The following REXO1 variants were observed in gnomAD, a reference collection of about 807,000 sequenced individuals.
The protein encoded by REXO1 is REX1, RNA exonuclease 1 homolog.
A neutral mutation model predicts 102.6 loss-of-function variants in REXO1; 42 were observed. The observed-to-expected ratio is 0.41, with a 90% CI of 0.32 to 0.53. The LOEUF (loss-of-function observed/expected upper bound fraction) is 0.53. REXO1 is among the 20% of genes least tolerant of loss of function. The pLI is 0.27. For missense variants in REXO1, 1,819 were observed against 1,732.5 expected (o/e 1.05, Z -0.89); for synonymous variants, 908 against 779.1 (o/e 1.17, Z -2.76).
chr19:1,830,285 G>A (rs181811440), intron 1 of REXO1, among the ~76,000 whole-genome samples: 12 of 152,296 alleles, frequency 7.9e-5, no homozygotes, highest in Non-Finnish European at 1.8e-4. Flanking sequence ...GAGGCGGGAG[G>A]ATACTGCTTG....
chr19:1,827,742 G>C lies in REXO1; in HGVS notation c.1047C>G (p.Leu349=), dbSNP rs368634346. 1 of 1,570,244 alleles carries C rather than the reference G, an allele frequency of 6.4e-7. No individual in the cohort carries two copies. The highest frequency in any genetic ancestry group is 8.6e-7 in the Non-Finnish European group (1 of 1,168,614). ...ETAVQCDVGD[L]QPPPAKPASP... is the part of the protein sequence containing the mutation. Reference sequence around the variant, plus strand: ...AGGCGGGCTTGGCTGGGGGCGGCTGGAGGTCCCCCACGTCGCACTGCACGG... The same window carrying C: ...AGGCGGGCTTGGCTGGGGGCGGCTGCAGGTCCCCCACGTCGCACTGCACGG... The change falls in exon 2 of 16, where the codon CTC becomes CTG. Residue 349 remains leucine (L), a synonymous_variant. Transcript: ENST00000170168.
At chr19:1,832,582 G>A (rs2069936035) in intron 1 of REXO1, among the ~76,000 whole-genome samples, 1 of 152,094 alleles carries the variant, frequency 6.6e-6, no homozygotes, top group South Asian at 2.1e-4. Context: ...TACATTTAGG[G>A]ACCAGGCACG....
Position 1,837,602 on chromosome 19 carries a change from C to T in REXO1, c.158-8971G>A, listed in dbSNP as rs2070077244. 2.0e-5 allele frequency among the ~76,000 whole-genome samples: 3 copies of T among 152,334 alleles called. No homozygotes were observed. The East Asian group carries it at 5.8e-4, about 29-fold the overall frequency. On this transcript the variant is annotated intron_variant, in intron 1 of 15. Coordinates refer to ENST00000170168, the MANE Select transcript of REXO1 (RefSeq NM_020695.4). ...CCCAGCTCTGCCCCACCCCCCACAC[C>T]AGACTCCACCCAGGTCTCAGAGCTT...
rs1371949449 is a variant in REXO1, at chr19:1,826,731, T to C, written c.1911+147A>G. 1.2e-5 allele frequency: 17 copies of C among 1,367,446 alleles called. No individual in the cohort carries two copies. Among genetic ancestry groups the C allele is most frequent in the Non-Finnish European group, 1.5e-5 (16 of 1,040,304 alleles). 84.7% of individuals were successfully genotyped at this position (1,367,446 alleles called of 1,614,324 possible). A position where few individuals can be genotyped will look rare whatever the true frequency, so the allele number is the denominator to read the frequency against. On this transcript the variant is annotated intron_variant, in intron 2 of 15. Transcript: ENST00000170168. The surrounding 1 kb of genome is among the most constrained non-coding windows in gnomAD (Gnocchi z 4.3). ...CCCGGGTGCTCCTGAGCTCCTGAGA[T>C]TTCAACGGGCTCAGGGACCAGCACT...
chr19:1,827,940 A>G lies in REXO1; in HGVS notation c.849T>C (p.Asp283=), dbSNP rs1458995800. Residue 283 remains aspartate, a synonymous_variant, in exon 2 of 16, where the codon GAT becomes GAC. Coordinates refer to ENST00000170168, the MANE Select transcript of REXO1 (RefSeq NM_020695.4). Reference sequence around the variant, plus strand: ...CATCTTCTGAGTCTGAGAACCTTGCATCGCAACTGCCAAAGGGGTCACAGA... The same window carrying G: ...CATCTTCTGAGTCTGAGAACCTTGCGTCGCAACTGCCAAAGGGGTCACAGA... ...KKLCDPFGSC[D]ARFSDSEDEA... is the part of the protein sequence containing the mutation. 2 of 1,613,602 alleles carry G rather than the reference A, an allele frequency of 1.2e-6. No individual in the cohort carries two copies. The highest frequency in any genetic ancestry group is 2.2e-5 in the East Asian group (1 of 44,876).
intron 11 of REXO1, 56 bp from the exon 12 acceptor site, chr19:1,817,385 GGCA>G (rs909701959): frequency 1.9e-6 from 3 of 1,598,646 alleles, no homozygotes; most frequent in African/African-American, 2.7e-5. Context: ...GGGCGGGGGT[GGCA>G]GCAGCAGCAC....
Position 1,828,333 on chromosome 19 carries a change from G to A in REXO1, c.456C>T (p.Ser152=). 1 of 1,609,984 alleles carries A rather than the reference G, an allele frequency of 6.2e-7. No individual in the cohort carries two copies. The change falls in exon 2 of 16, where the codon AGC becomes AGT. Residue 152 remains serine, a synonymous_variant. Transcript: ENST00000170168. ...EDAFPLAFDY[S]PGSHGLLSPD... ...GGCTTAATAGGCCGTGGCTGCCGGG[G>A]CTGTAGTCGAAGGCCAGTGGGAAGG... is the stretch of plus-strand genomic sequence containing the variant.
chr19:1,843,789 G>A (rs566998834), intron 1 of REXO1, among the ~76,000 whole-genome samples: 30 of 152,360 alleles, frequency 2.0e-4, no homozygotes, highest in Middle Eastern at 3.4e-3. Context: ...GGTGACACAG[G>A]TGGTCAGACG....
chr19:1,838,163 T>A (rs1000444525), intron 1 of REXO1, among the ~76,000 whole-genome samples: 1 of 150,358 alleles, frequency 6.7e-6, no homozygotes, highest in Middle Eastern at 3.2e-3. Context: ...CTACTAAAAC[T>A]ACAAAAAATT....
At position 1,826,460 on chromosome 19, in the gene REXO1, G is replaced by T. The variant is rs1334248647; in HGVS notation, c.1911+418C>A. ...AGGAGAGGAGACAGAGGAGCTGGAAGAGAAGAGACAGAGATGGGGGAAGGG... is the reference window on the plus strand; with the variant it reads ...AGGAGAGGAGACAGAGGAGCTGGAATAGAAGAGACAGAGATGGGGGAAGGG... On this transcript the variant is annotated intron_variant, in intron 2 of 15. Coordinates refer to ENST00000170168, the MANE Select transcript of REXO1 (RefSeq NM_020695.4). The surrounding 1 kb of genome is among the most constrained non-coding windows in gnomAD (Gnocchi z 4.3). Among the ~76,000 whole-genome samples the T allele has an allele frequency of 2.7e-5, 4 of 147,284 alleles. No individual in the cohort carries two copies. The highest frequency in any genetic ancestry group is 7.5e-5 in the African/African-American group (3 of 39,788).
chr19:1,847,402 G>T (rs1202868789), intron 1 of REXO1, among the ~76,000 whole-genome samples: 4 of 152,198 alleles, frequency 2.6e-5, no homozygotes, highest in Non-Finnish European at 5.9e-5. Flanking sequence ...GAAGTCAGGG[G>T]CTGGGTGAAG....
At chr19:1,825,811 C>T in intron 3 of REXO1, 28 bp downstream of exon 3, 1 of 1,403,728 alleles carries the variant, frequency 7.1e-7, no homozygotes, top group East Asian at 2.3e-5. Context: ...AAAAAGGCTC[C>T]TGCTGGCCTG....
chr19:1,833,007 A>C (rs2145303291), intron 1 of REXO1, among the ~76,000 whole-genome samples: 1 of 152,046 alleles, frequency 6.6e-6, no homozygotes, highest in South Asian at 2.1e-4. Flanking sequence ...AGATGAGCAG[A>C]CTGCTTGAGT....
rs2069725803 is a variant in REXO1 at position 1,826,483 on chromosome 19, G to C, written c.1911+395C>G. Among the ~76,000 whole-genome samples, 1 of 150,626 alleles carries C rather than the reference G, an allele frequency of 6.6e-6. No homozygotes were observed. The highest frequency in any genetic ancestry group is 2.4e-5 in the African/African-American group (1 of 40,892). ...AAGAGAAGAGACAGAGATGGGGGAA[G>C]GGAGGAGGGGAGAAGAGAGGGGGAA... is the stretch of plus-strand genomic sequence containing the variant. On this transcript the variant is annotated intron_variant, in intron 2 of 15. Coordinates refer to ENST00000170168, the MANE Select transcript of REXO1 (RefSeq NM_020695.4). The surrounding 1 kb of genome is among the most constrained non-coding windows in gnomAD (Gnocchi z 4.3).
chr19:1,840,534 T>A (rs961244036), intron 1 of REXO1, among the ~76,000 whole-genome samples: 1 of 151,924 alleles, frequency 6.6e-6, no homozygotes, highest in Non-Finnish European at 1.5e-5. Flanking sequence ...GCTGTCTCCA[T>A]CCCCAGAGCC....
chr19:1,848,017 G>A (rs1457515165), intron 1 of REXO1, among the ~76,000 whole-genome samples, 185 bp downstream of exon 1: 1 of 152,262 alleles, frequency 6.6e-6, no homozygotes, highest in Non-Finnish European at 1.5e-5. Flanking sequence ...CGAAGGCTTA[G>A]GGACATCTAG....
At chr19:1,835,411 G>C (rs1027082351) in intron 1 of REXO1, among the ~76,000 whole-genome samples, 7 of 152,214 alleles carry the variant, frequency 4.6e-5, no homozygotes, top group African/African-American at 1.4e-4. Context: ...AGCCAGGCCT[G>C]GTGGCAGGCG....
intron 1 of REXO1, among the ~76,000 whole-genome samples, chr19:1,844,051 G>A (rs1437279681): frequency 2.0e-5 from 3 of 152,262 alleles, no homozygotes; most frequent in African/African-American, 4.8e-5. Context: ...GCCTAGCAGG[G>A]GTATGGGAGG....
chr19:1,826,783 C>T lies in REXO1; in HGVS notation c.1911+95G>A, dbSNP rs568894353. ...AGGAGCTGCCTCCACCCCGTGCCTC[C>T]GAGCCAACTGGAAACCACTCCAGAT... On this transcript the variant is annotated intron_variant, in intron 2 of 15. Coordinates refer to ENST00000170168, the MANE Select transcript of REXO1 (RefSeq NM_020695.4). This position sits in a 1 kb window ranked among gnomAD's most constrained non-coding sequence, Gnocchi z 4.3. The T allele has an allele frequency of 1.5e-4, 227 of 1,506,910 alleles. No homozygotes were observed. In the African/African-American group the frequency reaches 1.8e-3, roughly 12 times the overall value. 93.3% of individuals were successfully genotyped at this position (1,506,910 alleles called of 1,614,324 possible).
Sources: allele counts gnomAD v4.1 joint callset (sites outside exome capture counted in the v4.1 genomes callset), GRCh38; gene constraint gnomAD v4.1.1; non-coding constraint Gnocchi (gnomAD v3.1); transcripts MANE v1.5; gene names NCBI Gene and HGNC (gene_info 2026-07-23, HGNC 2026-07-21).